The following NCOA3 variants were observed in gnomAD, a reference collection of about 807,000 sequenced individuals.
NCOA3 encodes the protein nuclear receptor coactivator 3.
A neutral mutation model predicts 158.8 loss-of-function variants in NCOA3; 51 were observed. That is an observed-to-expected ratio of 0.32 (90% CI 0.26 to 0.41). The LOEUF (loss-of-function observed/expected upper bound fraction) is 0.41. Ranked by LOEUF, NCOA3 falls within the 10% of genes least tolerant of loss-of-function variation. The pLI, the probability that NCOA3 is intolerant of heterozygous loss-of-function variation, is 1.00. For missense variants in NCOA3, 1,510 were observed against 1,746.6 expected (o/e 0.86, Z 2.41); for synonymous variants, 537 against 592.4 (o/e 0.91, Z 1.36).
intron 1 of NCOA3, among the ~76,000 whole-genome samples, chr20:47,527,106 G>A (rs1042277627): frequency 1.3e-5 from 2 of 152,198 alleles, no homozygotes; most frequent in Admixed American, 6.5e-5. Context: ...GTTTGCTTAG[G>A]ATTGTATATA....
chr20:47,511,556 T>TATATATATATATACATACACACACATA (rs1569310943), intron 1 of NCOA3, among the ~76,000 whole-genome samples: 1 of 30,198 alleles, frequency 3.3e-5, no homozygotes, highest in African/African-American at 6.5e-5. Flanking sequence ...TATATATATA[T>TATATATATATATACATACACACACATA]TTCTTTTTTT....
chr20:47,614,624 G>GAT (rs2086102598), intron 2 of NCOA3, among the ~76,000 whole-genome samples: 1 of 152,202 alleles, frequency 6.6e-6, no homozygotes, highest in Admixed American at 6.5e-5. Flanking sequence ...ACCATTTAAT[G>GAT]ATAGCAAACC....
At chr20:47,522,910 GC>G (rs2084368168) in intron 1 of NCOA3, among the ~76,000 whole-genome samples, 1 of 150,758 alleles carries the variant, frequency 6.6e-6, no homozygotes, top group Non-Finnish European at 1.5e-5. Context: ...AAAAAAACGA[GC>G]CCGGCGCGGT....
intron 2 of NCOA3, among the ~76,000 whole-genome samples, chr20:47,618,425 G>A (rs536129002): frequency 7.1e-6 from 1 of 140,978 alleles, no homozygotes; most frequent in East Asian, 2.1e-4. Context: ...CCCAATCTTG[G>A]CTTACTGCAA....
intron 1 of NCOA3, among the ~76,000 whole-genome samples, chr20:47,535,595 C>G (rs1029621508): frequency 3.3e-5 from 5 of 151,862 alleles, no homozygotes; most frequent in Non-Finnish European, 5.9e-5. Context: ...GCAGCCTCCT[C>G]CTCCCAGGTT....
chr20:47,517,742 C>T (rs998898402), intron 1 of NCOA3, among the ~76,000 whole-genome samples: 12 of 152,024 alleles, frequency 7.9e-5, no homozygotes, highest in African/African-American at 1.2e-4. Context: ...TGAGCCACCA[C>T]GCCTGGCCAA....
chr20:47,567,300 C>G (rs1228423720), intron 1 of NCOA3, among the ~76,000 whole-genome samples: 1 of 152,062 alleles, frequency 6.6e-6, no homozygotes, highest in African/African-American at 2.4e-5. Context: ...CCCGCCTCGG[C>G]CTCCCAAAGT....
At chr20:47,620,623 T>G (rs2086224480) in intron 2 of NCOA3, among the ~76,000 whole-genome samples, 1 of 152,222 alleles carries the variant, frequency 6.6e-6, no homozygotes, top group African/African-American at 2.4e-5. Context: ...TCATTATATA[T>G]GCAATTTTTC....
At chr20:47,524,816 C>A (rs1279860909) in intron 1 of NCOA3, among the ~76,000 whole-genome samples, 1 of 152,188 alleles carries the variant, frequency 6.6e-6, no homozygotes, top group Non-Finnish European at 1.5e-5. Context: ...AATCTCGGCT[C>A]CCTGCAACCT....
At chr20:47,629,847 A>T (rs1316397191) in intron 8 of NCOA3, among the ~76,000 whole-genome samples, 1 of 152,244 alleles carries the variant, frequency 6.6e-6, no homozygotes, top group Non-Finnish European at 1.5e-5. Context: ...AGCAAGTAGC[A>T]TCTTTGAAAA....
At chr20:47,517,134 C>G (rs887149707) in intron 1 of NCOA3, among the ~76,000 whole-genome samples, 4 of 152,268 alleles carry the variant, frequency 2.6e-5, no homozygotes, top group Non-Finnish European at 4.4e-5. Context: ...AGGAGAATTG[C>G]TTGAACCTTG....
chr20:47,633,716 C>T (rs879222612), intron 9 of NCOA3, 80 bp downstream of exon 9: 37 of 1,458,332 alleles, frequency 2.5e-5, no homozygotes, highest in Non-Finnish European at 3.5e-5. Flanking sequence ...AGGCTGGACT[C>T]GAACTCCTGG....
chr20:47,647,568 AAG>A lies in NCOA3; in HGVS notation c.3546+203_3546+204del, dbSNP rs72645292. ...GAGAATATTCTATTTTACAGGTAAA[AAG>A]TAAAAAAATGTCAGGAAGGATTGCT... On this transcript the variant is annotated intron_variant, in intron 18 of 22. Coordinates refer to ENST00000371998, the MANE Select transcript of NCOA3 (RefSeq NM_181659.3). Among the ~76,000 whole-genome samples, 600 of 152,328 alleles carry A rather than the reference AAG, an allele frequency of 3.9e-3. 5 individuals carry two copies. The highest frequency in any genetic ancestry group is 0.014 in the African/African-American group (575 of 41,564).
chr20:47,633,696 T>C (rs1174910481), intron 9 of NCOA3, 60 bp downstream of exon 9: 1 of 1,551,590 alleles, frequency 6.4e-7, no homozygotes, highest in African/African-American at 1.4e-5. Context: ...AGGGCCTTGC[T>C]ATCTTGCCCA....
chr20:47,633,956 A>G, intron 9 of NCOA3, 92 bp from the exon 10 acceptor site: 1 of 1,449,492 alleles, frequency 6.9e-7, no homozygotes, highest in Non-Finnish European at 9.4e-7. Context: ...ATTTTTAGAA[A>G]TGTACTTGAA....
chr20:47,639,819 A>G lies in NCOA3; in HGVS notation c.2950A>G (p.Met984Val). The G allele has an allele frequency of 3.7e-6, 6 of 1,614,044 alleles. No homozygotes were observed. Among genetic ancestry groups the G allele is most frequent in the Non-Finnish European group, 5.1e-6 (6 of 1,179,878 alleles). Residue 984 changes from methionine (M) to valine (V), a missense_variant, in exon 15 of 23, where the codon ATG (methionine) becomes GTG (valine). Met to Val is a conservative substitution (Grantham distance 21). Around this residue, in one of 4 missense-constraint regions of NCOA3, gnomAD observed 1,017 missense variants for 1,098.3 expected, o/e 0.93. Transcript: ENST00000371998. ...GCAACAGCAGCAGCAGATGCTTCAA[A>G]TGAGTAAGTGTCCACCCTCCCCTCT... The part of the protein sequence containing the change: ...VLQQQQQMLQ[M>V]RPGEIPMGMG...
At chr20:47,513,123 C>T (rs553914222) in intron 1 of NCOA3, among the ~76,000 whole-genome samples, 1 of 151,668 alleles carries the variant, frequency 6.6e-6, no homozygotes, top group East Asian at 1.9e-4. Flanking sequence ...GAGCCGAGAT[C>T]CCACCACTGC....
intron 2 of NCOA3, among the ~76,000 whole-genome samples, chr20:47,591,662 G>T (rs2085642599): frequency 1.3e-5 from 2 of 151,070 alleles, no homozygotes; most frequent in Non-Finnish European, 2.9e-5. Flanking sequence ...TGAAGGTTTG[G>T]TTCACTGGAT....
At chr20:47,529,533 C>G (rs1002453360) in intron 1 of NCOA3, among the ~76,000 whole-genome samples, 1 of 152,210 alleles carries the variant, frequency 6.6e-6, no homozygotes, top group African/African-American at 2.4e-5. Context: ...GCGCCTCAGC[C>G]TCCCGAGTAG....
Sources: gnomAD v4.1 joint callset for allele counts (sites outside exome capture counted in the v4.1 genomes callset) on GRCh38, gnomAD v4.1.1 for gene constraint, gnomAD v4.1.1 regional missense constraint, MANE v1.5 for transcripts, NCBI Gene and HGNC (gene_info 2026-07-23, HGNC 2026-07-21) for gene names.